SHISA8: variants seen among roughly 807,000 people sequenced by gnomAD.
SHISA8 encodes the protein protein shisa-8.
SHISA8 carries 21 observed loss-of-function variants against 21.1 expected under a neutral mutation model. That is an observed-to-expected ratio of 0.99 (90% CI 0.71 to 1.43). The LOEUF is 1.43. Ranked by LOEUF, SHISA8 falls within the 40% of genes most tolerant of loss-of-function variation. The pLI is 0.00. For missense variants in SHISA8, 535 were observed against 599.1 expected (o/e 0.89, Z 1.12); for synonymous variants, 300 against 291.4 (o/e 1.03, Z -0.30).
At chr22:41,913,094 G>T (rs997581258) in intron 1 of SHISA8, among the ~76,000 whole-genome samples, 1 of 152,232 alleles carries the variant, frequency 6.6e-6, no homozygotes, top group African/African-American at 2.4e-5. Flanking sequence ...GAGGGTGGAG[G>T]CCAGGGTGCC....
chr22:41,910,508 C>T lies in SHISA8; in HGVS notation c.711G>A (p.Gly237=), dbSNP rs2077543590. ...CCTGCAGCCGCGGGCCGCGCGGGGG[C>T]CCCGGGGCGGCCGACCCCCGGGGCG... The part of the protein sequence containing the change: ...NNAPRGSAAP[G]PPRGPRLQGG... The change falls in exon 3 of 4, where the codon GGG becomes GGA. Residue 237 remains glycine, a synonymous_variant. Coordinates refer to ENST00000621082, the MANE Select transcript of SHISA8 (RefSeq NM_001207020.3). The surrounding 1 kb of genome is among the most constrained non-coding windows in gnomAD (Gnocchi z 6.8). 4 of 1,253,940 alleles carry T rather than the reference C, an allele frequency of 3.2e-6. No individual in the cohort carries two copies. The highest frequency in any genetic ancestry group is 4.3e-5 in the Admixed American group (1 of 23,502). The allele number at this position is 1,253,940 out of a possible 1,614,324, so 77.7% of individuals were successfully genotyped here. A position where few individuals can be genotyped will look rare whatever the true frequency, so the allele number is the denominator to read the frequency against.
At position 41,914,955 on chromosome 22, in the gene SHISA8, C is replaced by A. The variant is rs1177969694; in HGVS notation, c.-288G>T. Among the ~76,000 whole-genome samples the A allele has an allele frequency of 6.6e-6, 1 of 151,528 alleles. No individual in the cohort carries two copies. Among genetic ancestry groups the A allele is most frequent in the Non-Finnish European group, 1.5e-5 (1 of 67,794 alleles). On this transcript the variant is annotated 5_prime_UTR_variant, in exon 1 of 4. Coordinates refer to ENST00000621082, the MANE Select transcript of SHISA8 (RefSeq NM_001207020.3). The surrounding 1 kb of genome is among the most constrained non-coding windows in gnomAD (Gnocchi z 6.8). ...GGCGGGTCCTCGCCTGCGCGCGGCC[C>A]CCGGCTTCTCCCCGGCCCGGCAGGT... is the stretch of plus-strand genomic sequence containing the variant.
In SHISA8 at chr22:41,909,582, C is replaced by T. The variant is rs1455623027; in HGVS notation, c.*183G>A. 4.1e-6 allele frequency: 3 copies of T among 732,668 alleles called. No homozygotes were observed. In the African/African-American group the frequency reaches 5.5e-5, roughly 14 times the overall value. The allele number at this position is 732,668 out of a possible 1,614,324, so 45.4% of individuals were successfully genotyped here. On this transcript the variant is annotated 3_prime_UTR_variant, in exon 4 of 4. Coordinates refer to ENST00000621082, the MANE Select transcript of SHISA8 (RefSeq NM_001207020.3). ...GCTGGGGCTTCTTTATTCTCAGGGG[C>T]AGGAACCACATAAAAGGGCTTATTT...
In SHISA8 at chr22:41,914,642, A is replaced by C; in HGVS notation, c.26T>G (p.Leu9Arg). 13 of 1,028,086 alleles carry C rather than the reference A, an allele frequency of 1.3e-5. No homozygotes were observed. The highest frequency in any genetic ancestry group is 1.4e-5 in the Non-Finnish European group (12 of 860,150). 63.7% of individuals were successfully genotyped at this position (1,028,086 alleles called of 1,614,324 possible). Residue 9 changes from leucine (L) to arginine (R), a missense_variant, in exon 1 of 4, where the codon CTG becomes CGG. By Grantham distance (102) the Leu-to-Arg change is moderately radical. Coordinates refer to ENST00000621082, the MANE Select transcript of SHISA8 (RefSeq NM_001207020.3). This position sits in a 1 kb window ranked among gnomAD's most constrained non-coding sequence, Gnocchi z 6.8. MARAGARG[L>R]LGGRRPPGLR... is the part of the protein sequence containing the mutation. ...GCCGGGAGGACGGCGGCCGCCGAGC[A>C]GTCCCCGCGCCCCGGCCCGCGCCAT...
chr22:41,914,549 G>A lies in SHISA8; in HGVS notation c.119C>T (p.Ala40Val), dbSNP rs1251830787. Residue 40 changes from alanine (A) to valine (V), a missense_variant, in exon 1 of 4, where the codon GCC (alanine) becomes GTC (valine). By Grantham distance (64) the Ala-to-Val change is moderately conservative. Transcript: ENST00000621082. The surrounding 1 kb of genome is among the most constrained non-coding windows in gnomAD (Gnocchi z 6.8). ...CGCCGCGGGACCCTGCGCCTCGGGG[G>A]CTCCCGCGCGGCCCGACGGCGGCCG... The part of the protein sequence containing the change: ...LARPPSGRAG[A>V]PEAQGPAAPG... 43 of 1,191,950 alleles carry A rather than the reference G, an allele frequency of 3.6e-5. No homozygotes were observed. Among genetic ancestry groups the A allele is most frequent in the Middle Eastern group, 3.3e-4 (1 of 3,016 alleles). The allele number at this position is 1,191,950 out of a possible 1,614,324, so 73.8% of individuals were successfully genotyped here.
At chr22:41,912,698 G>A (rs2077560402) in intron 1 of SHISA8, among the ~76,000 whole-genome samples, 2 of 152,290 alleles carry the variant, frequency 1.3e-5, no homozygotes, top group South Asian at 2.1e-4. Flanking sequence ...ACAAGCCTAC[G>A]TCCCATTCCA....
intron 1 of SHISA8, among the ~76,000 whole-genome samples, chr22:41,912,736 G>C (rs1425624603): frequency 6.6e-6 from 1 of 152,140 alleles, no homozygotes; most frequent in African/African-American, 2.4e-5. Flanking sequence ...AAAGGGAGTT[G>C]GGGCCATGGG....
In SHISA8 at chr22:41,910,577, G is replaced by A. The variant is rs968804622; in HGVS notation, c.665-23C>T. 18 of 1,220,666 alleles carry A rather than the reference G, an allele frequency of 1.5e-5. No homozygotes were observed. In the African/African-American group the frequency reaches 1.9e-4, roughly 13 times the overall value. 75.6% of individuals were successfully genotyped at this position (1,220,666 alleles called of 1,614,324 possible). On this transcript the variant is annotated intron_variant, in intron 2 of 3. Transcript: ENST00000621082. The surrounding 1 kb of genome is among the most constrained non-coding windows in gnomAD (Gnocchi z 6.8). ...TGTCTGGAGCGAGGAGTGAGACGCG[G>A]CTCGGTCCGATGCCCCGGTTCACTC...
chr22:41,912,767 G>C (rs1488618954), intron 1 of SHISA8, among the ~76,000 whole-genome samples: 1 of 152,190 alleles, frequency 6.6e-6, no homozygotes, highest in Non-Finnish European at 1.5e-5. Context: ...CCAGAAAGGA[G>C]AAGGGACTGG....
Position 41,914,383 on chromosome 22 carries a change from G to A in SHISA8, c.285C>T (p.His95=). Residue 95 remains histidine, a synonymous_variant, in exon 1 of 4, where the codon CAC becomes CAT. Transcript: ENST00000621082. This position sits in a 1 kb window ranked among gnomAD's most constrained non-coding sequence, Gnocchi z 6.8. The part of the protein sequence containing the change: ...CGTCGYRFCC[H]DGPRRLDQSR... ...TCTGGTCGAGGCGCCGCGGCCCGTCGTGGCAGCAGAAGCGGTAGCCGCACG... is the reference window on the plus strand; with the variant it reads ...TCTGGTCGAGGCGCCGCGGCCCGTCATGGCAGCAGAAGCGGTAGCCGCACG... 7.7e-7 allele frequency: 1 copy of A among 1,307,050 alleles called. No homozygotes were observed. Among genetic ancestry groups the A allele is most frequent in the Non-Finnish European group, 9.7e-7 (1 of 1,026,506 alleles). 81.0% of individuals were successfully genotyped at this position (1,307,050 alleles called of 1,614,324 possible).
At position 41,910,435 on chromosome 22, in the gene SHISA8, A is replaced by G; in HGVS notation, c.784T>C (p.Phe262Leu). 8.1e-6 allele frequency: 11 copies of G among 1,358,798 alleles called. No homozygotes were observed. The highest frequency in any genetic ancestry group is 1.0e-5 in the Non-Finnish European group (11 of 1,056,248). The allele number at this position is 1,358,798 out of a possible 1,614,324, so 84.2% of individuals were successfully genotyped here. ...LQPDYAKYAT[F>L]KAAALKAAEA... Reference sequence around the variant, plus strand: ...GCGGCCTTGAGCGCGGCGGCCTTGAACGTGGCGTACTTGGCGTAGTCTGGC... The same window carrying G: ...GCGGCCTTGAGCGCGGCGGCCTTGAGCGTGGCGTACTTGGCGTAGTCTGGC... The change falls in exon 3 of 4, where the codon TTC (phenylalanine) becomes CTC (leucine). Residue 262 changes from phenylalanine (F) to leucine (L), a missense_variant. Phe to Leu is a conservative substitution (Grantham distance 22, BLOSUM62 0). Transcript: ENST00000621082. The surrounding 1 kb of genome is among the most constrained non-coding windows in gnomAD (Gnocchi z 6.8).
chr22:41,910,696 T>C lies in SHISA8; in HGVS notation c.665-142A>G. On this transcript the variant is annotated intron_variant, in intron 2 of 3. Transcript: ENST00000621082. This position sits in a 1 kb window ranked among gnomAD's most constrained non-coding sequence, Gnocchi z 6.8. ...TCCGGGCGAGGCTGCGAGCCAAGCC[T>C]GTCTTCGCCGCAGCCTCCAGCGCCT... 1 of 1,049,484 alleles carries C rather than the reference T, an allele frequency of 9.5e-7. No individual in the cohort carries two copies. The highest frequency in any genetic ancestry group is 1.2e-6 in the Non-Finnish European group (1 of 830,612). The allele number at this position is 1,049,484 out of a possible 1,614,324, so 65.0% of individuals were successfully genotyped here. A position where few individuals can be genotyped will look rare whatever the true frequency, so the allele number is the denominator to read the frequency against.
At chr22:41,912,654 G>A (rs1044879202) in intron 1 of SHISA8, among the ~76,000 whole-genome samples, 1 of 152,114 alleles carries the variant, frequency 6.6e-6, no homozygotes, top group Non-Finnish European at 1.5e-5. Context: ...GGTGAGACTC[G>A]AGGGGAGGAC....
At chr22:41,911,373 G>A (rs2077552705) in intron 1 of SHISA8, 24 bp from the exon 2 acceptor site, 3 of 1,236,840 alleles carry the variant, frequency 2.4e-6, no homozygotes, top group Middle Eastern at 2.1e-4. Context: ...AGTCAGGGGT[G>A]GCCCTCTGTC....
In SHISA8 at chr22:41,910,228, T is replaced by TGGGACGGGGACCGGGCCGGGGC; in HGVS notation, c.812-103_812-82dup. ...TGGACAAGGGGTCCCGGCCGGGGAC[T>TGGGACGGGGACCGGGCCGGGGC]GGGACGGGGACCGGGCCGGGGCGGG... On this transcript the variant is annotated intron_variant, in intron 3 of 3. Transcript: ENST00000621082. The surrounding 1 kb of genome is among the most constrained non-coding windows in gnomAD (Gnocchi z 6.8). The TGGGACGGGGACCGGGCCGGGGC allele has an allele frequency of 3.3e-6, 4 of 1,212,520 alleles. No individual in the cohort carries two copies. Among genetic ancestry groups the TGGGACGGGGACCGGGCCGGGGC allele is most frequent in the Non-Finnish European group, 4.1e-6 (4 of 974,748 alleles). The allele number at this position is 1,212,520 out of a possible 1,614,324, so 75.1% of individuals were successfully genotyped here.
At position 41,914,552 on chromosome 22, in the gene SHISA8, C is replaced by A; in HGVS notation, c.116G>T (p.Gly39Val). The change falls in exon 1 of 4, where the codon GGA (glycine) becomes GTA (valine). Residue 39 changes from glycine to valine, a missense_variant. Transcript: ENST00000621082. This position sits in a 1 kb window ranked among gnomAD's most constrained non-coding sequence, Gnocchi z 6.8. ...LLARPPSGRA[G>V]APEAQGPAAP... ...CGCGGGACCCTGCGCCTCGGGGGCTCCCGCGCGGCCCGACGGCGGCCGCGC... is the reference window on the plus strand; with the variant it reads ...CGCGGGACCCTGCGCCTCGGGGGCTACCGCGCGGCCCGACGGCGGCCGCGC... 8.4e-7 allele frequency: 1 copy of A among 1,188,482 alleles called. No individual in the cohort carries two copies. Among genetic ancestry groups the A allele is most frequent in the Non-Finnish European group, 1.0e-6 (1 of 960,682 alleles). The allele number at this position is 1,188,482 out of a possible 1,614,324, so 73.6% of individuals were successfully genotyped here. A position where few individuals can be genotyped will look rare whatever the true frequency, so the allele number is the denominator to read the frequency against.
At chr22:41,911,574 A>C (rs2077553710) in intron 1 of SHISA8, among the ~76,000 whole-genome samples, 1 of 152,038 alleles carries the variant, frequency 6.6e-6, no homozygotes, top group Non-Finnish European at 1.5e-5. Flanking sequence ...AGGAAACTCT[A>C]ATGAGGCTCC....
At position 41,909,729 on chromosome 22, in the gene SHISA8, C is replaced by T. The variant is rs912360877; in HGVS notation, c.*36G>A. On this transcript the variant is annotated 3_prime_UTR_variant, in exon 4 of 4. Coordinates refer to ENST00000621082, the MANE Select transcript of SHISA8 (RefSeq NM_001207020.3). ...CTGAGGCTCCGACGGGCAGACAGGACCCCAGCCCATGCCTCGAGGGCACCG... is the reference window on the plus strand; with the variant it reads ...CTGAGGCTCCGACGGGCAGACAGGATCCCAGCCCATGCCTCGAGGGCACCG... The T allele has an allele frequency of 7.2e-7, 1 of 1,397,026 alleles. No individual in the cohort carries two copies. The highest frequency in any genetic ancestry group is 9.3e-7 in the Non-Finnish European group (1 of 1,074,012). The allele number at this position is 1,397,026 out of a possible 1,614,324, so 86.5% of individuals were successfully genotyped here.
Position 41,910,279 on chromosome 22 carries a change from G to A in SHISA8, c.811+129C>T. On this transcript the variant is annotated intron_variant, in intron 3 of 3. Coordinates refer to ENST00000621082, the MANE Select transcript of SHISA8 (RefSeq NM_001207020.3). This position sits in a 1 kb window ranked among gnomAD's most constrained non-coding sequence, Gnocchi z 6.8. ...CCGGGGGCGGGGCCCGCTGGGGCGA[G>A]GGAGCCGATTGGCCGAGCGGCGGGC... 1 of 1,228,920 alleles carries A rather than the reference G, an allele frequency of 8.1e-7. No individual in the cohort carries two copies. Among genetic ancestry groups the A allele is most frequent in the Non-Finnish European group, 1.0e-6 (1 of 984,486 alleles). The allele number at this position is 1,228,920 out of a possible 1,614,324, so 76.1% of individuals were successfully genotyped here.
Sources: allele counts gnomAD v4.1 joint callset (sites outside exome capture counted in the v4.1 genomes callset), GRCh38; gene constraint gnomAD v4.1.1; non-coding constraint Gnocchi (gnomAD v3.1); transcripts MANE v1.5; gene names NCBI Gene and HGNC (gene_info 2026-07-23, HGNC 2026-07-21).